UBASH3B: variants seen among roughly 807,000 people sequenced by gnomAD.
The protein encoded by UBASH3B is ubiquitin-associated and SH3 domain-containing protein B.
Under a neutral mutation model 83.4 loss-of-function variants are expected in UBASH3B, and 37 were observed. The ratio of observed to expected loss-of-function variants is 0.44; its 90% CI spans 0.34 to 0.58. The LOEUF (loss-of-function observed/expected upper bound fraction) is 0.58. Ranked by LOEUF, UBASH3B falls within the 20% of genes least tolerant of loss-of-function variation. UBASH3B has a pLI of 0.01. For missense variants in UBASH3B, 657 were observed against 827.2 expected (o/e 0.79, Z 2.52); for synonymous variants, 304 against 318.3 (o/e 0.96, Z 0.48).
At chr11:122,793,913 G>C (rs549559105) in intron 6 of UBASH3B, among the ~76,000 whole-genome samples, 1 of 152,330 alleles carries the variant, frequency 6.6e-6, no homozygotes, top group South Asian at 2.1e-4. Context: ...AAGTTTCCTT[G>C]ACTGTTAGGA....
At chr11:122,807,575 G>A (rs1226923960) in intron 12 of UBASH3B, among the ~76,000 whole-genome samples, 2 of 151,996 alleles carry the variant, frequency 1.3e-5, no homozygotes, top group Non-Finnish European at 2.9e-5. Context: ...TTTGAGACAG[G>A]GTCTTGCTCC....
intron 1 of UBASH3B, among the ~76,000 whole-genome samples, chr11:122,771,355 C>G (rs1023380570): frequency 2.6e-5 from 4 of 152,140 alleles, no homozygotes; most frequent in Non-Finnish European, 5.9e-5. Context: ...GCCTCAGCCT[C>G]CCAAGTAGCT....
chr11:122,800,371 C>A (rs1279272949), intron 10 of UBASH3B, among the ~76,000 whole-genome samples: 1 of 122,360 alleles, frequency 8.2e-6, no homozygotes, highest in Non-Finnish European at 1.7e-5. Context: ...AACCCCATCT[C>A]TACTAAAAAT....
chr11:122,720,105 G>A (rs1860596817), intron 1 of UBASH3B, among the ~76,000 whole-genome samples: 1 of 152,014 alleles, frequency 6.6e-6, no homozygotes, highest in Non-Finnish European at 1.5e-5. Context: ...CTATCCATAT[G>A]CTGACAACTC....
chr11:122,689,750 C>A (rs1301636967), intron 1 of UBASH3B, among the ~76,000 whole-genome samples: 2 of 152,204 alleles, frequency 1.3e-5, no homozygotes, highest in Non-Finnish European at 2.9e-5. Context: ...CACTAACTGC[C>A]TTCAAGTTGG....
rs771637714 is a variant in UBASH3B, at chr11:122,794,770, G to A, written c.1049G>A (p.Arg350Gln). Residue 350 changes from arginine (R) to glutamine (Q), a missense_variant, in exon 7 of 14, where the codon CGG becomes CAG. This residue lies in a region of UBASH3B where 573 missense variants were observed against 739.0 expected (regional missense o/e 0.78). Transcript: ENST00000284273. ...TTTGGGGATGGAGTATTGGAGAGGC[G>A]GCCTTATGAGGACCAGGGGCTCGGG... The part of the protein sequence containing the change: ...LTFGDGVLER[R>Q]PYEDQGLGET... 5.3e-5 allele frequency: 85 copies of A among 1,613,930 alleles called. No homozygotes were observed. Among genetic ancestry groups the A allele is most frequent in the South Asian group, 1.1e-4 (10 of 91,080 alleles).
chr11:122,788,181 A>ACATGGCTACATGCT (rs1860987598), intron 5 of UBASH3B, among the ~76,000 whole-genome samples: 1 of 152,242 alleles, frequency 6.6e-6, no homozygotes, highest in East Asian at 1.9e-4. Flanking sequence ...ATGCTGACAT[A>ACATGGCTACATGCT]GACACTGATG....
At chr11:122,804,825 T>C (rs1047051114) in intron 11 of UBASH3B, among the ~76,000 whole-genome samples, 3 of 151,938 alleles carry the variant, frequency 2.0e-5, no homozygotes, top group Admixed American at 2.0e-4. Context: ...AATATGAAAA[T>C]TGACAAAATA....
intron 1 of UBASH3B, among the ~76,000 whole-genome samples, chr11:122,695,935 G>A (rs1342946014): frequency 1.3e-5 from 2 of 152,062 alleles, no homozygotes; most frequent in Non-Finnish European, 2.9e-5. Flanking sequence ...TAACCAAATA[G>A]TTTTTTTATT....
At chr11:122,675,514 G>A (rs1201051464) in intron 1 of UBASH3B, among the ~76,000 whole-genome samples, 1 of 152,176 alleles carries the variant, frequency 6.6e-6, no homozygotes, top group Non-Finnish European at 1.5e-5. Flanking sequence ...AGACCATGTG[G>A]CATCATGAAA....
At chr11:122,766,050 C>G (rs529023698) in intron 1 of UBASH3B, among the ~76,000 whole-genome samples, 42 of 152,224 alleles carry the variant, frequency 2.8e-4, no homozygotes, top group Admixed American at 1.1e-3. Flanking sequence ...GCTGCCTGTC[C>G]TAAGGGAAGA....
chr11:122,757,515 T>A (rs1861300890), intron 1 of UBASH3B, among the ~76,000 whole-genome samples: 1 of 152,090 alleles, frequency 6.6e-6, no homozygotes, highest in African/African-American at 2.4e-5. Context: ...AGCATATACC[T>A]GATACATCTA....
chr11:122,664,322 C>A (rs1591759611), intron 1 of UBASH3B, among the ~76,000 whole-genome samples: 1 of 152,106 alleles, frequency 6.6e-6, no homozygotes, highest in South Asian at 2.1e-4. Flanking sequence ...GAATCAGACT[C>A]AAGCCTAAGA....
chr11:122,742,142 T>G (rs1354925726), intron 1 of UBASH3B, among the ~76,000 whole-genome samples: 2 of 152,222 alleles, frequency 1.3e-5, no homozygotes, highest in African/African-American at 4.8e-5. Flanking sequence ...TCCTCACTTG[T>G]CAGTCAGCGA....
intron 1 of UBASH3B, among the ~76,000 whole-genome samples, chr11:122,665,337 C>A (rs1863502061): frequency 6.6e-6 from 1 of 152,178 alleles, no homozygotes; most frequent in African/African-American, 2.4e-5. Flanking sequence ...CCCACCACAC[C>A]TGGATAATTT....
intron 1 of UBASH3B, among the ~76,000 whole-genome samples, chr11:122,744,429 T>C (rs2135962540): frequency 6.6e-6 from 1 of 152,210 alleles, no homozygotes; most frequent in Middle Eastern, 3.4e-3. Context: ...AGCATGTGTA[T>C]CGGTGTGTGG....
At chr11:122,692,573 C>T (rs1591771785) in intron 1 of UBASH3B, among the ~76,000 whole-genome samples, 1 of 152,134 alleles carries the variant, frequency 6.6e-6, no homozygotes, top group African/African-American at 2.4e-5. Context: ...GGAGAATGGG[C>T]CCCGTGAGCC....
At chr11:122,718,296 G>A (rs760080805) in intron 1 of UBASH3B, among the ~76,000 whole-genome samples, 9 of 152,160 alleles carry the variant, frequency 5.9e-5, no homozygotes, top group Non-Finnish European at 1.0e-4. Context: ...AATACATTTC[G>A]GATGAAGCAT....
chr11:122,777,533 CACTCTTACG>C (rs1461276271), intron 3 of UBASH3B, among the ~76,000 whole-genome samples: 1 of 152,224 alleles, frequency 6.6e-6, no homozygotes, highest in Non-Finnish European at 1.5e-5. Context: ...CTACCCTCTC[CACTCTTACG>C]ACAAGCAAAG....
Sources: allele counts gnomAD v4.1 joint callset (sites outside exome capture counted in the v4.1 genomes callset), GRCh38; gene constraint gnomAD v4.1.1; regional missense constraint gnomAD v4.1.1; transcripts MANE v1.5; gene names NCBI Gene and HGNC (gene_info 2026-07-23, HGNC 2026-07-21).